The following DMD variants were observed in gnomAD, a reference collection of about 807,000 sequenced individuals.
The protein encoded by DMD is mutant dystrophin.
DMD carries 63 observed loss-of-function variants against 330.1 expected under a neutral mutation model. The observed-to-expected ratio is 0.19, with a 90% CI of 0.16 to 0.24. The LOEUF is 0.24. Ranked by LOEUF, DMD falls within the 10% of genes least tolerant of loss-of-function variation. The probability of loss-of-function intolerance (pLI) is 1.00; values close to 1 mark genes in which losing one functional copy is unlikely to be tolerated. For missense variants in DMD, 3,344 were observed against 2,684.1 expected (o/e 1.25, Z -5.43); for synonymous variants, 1,223 against 959.8 (o/e 1.27, Z -5.07).
chrX:31,187,015 T>C (rs931567058), intron 67 of DMD, among the ~76,000 whole-genome samples: 3 of 112,860 alleles, frequency 2.7e-5, no homozygotes, highest in Non-Finnish European at 5.6e-5. Context: ...GCACAGCATA[T>C]AGAAGTTCCA....
At chrX:32,901,699 A>G (rs1449659498) in intron 2 of DMD, among the ~76,000 whole-genome samples, 2 of 111,153 alleles carry the variant, frequency 1.8e-5, no homozygotes, top group Non-Finnish European at 3.8e-5. Context: ...TGGTAGCACT[A>G]CTAATAATAT....
At chrX:31,737,976 A>T (rs751520490) in intron 51 of DMD, among the ~76,000 whole-genome samples, 2 of 112,082 alleles carry the variant, frequency 1.8e-5, no homozygotes, top group Non-Finnish European at 3.8e-5. Flanking sequence ...ACATAGTAGA[A>T]GCAGTATATA....
chrX:32,388,587 G>C (rs185420855), intron 32 of DMD, among the ~76,000 whole-genome samples: 2 of 109,975 alleles, frequency 1.8e-5, no homozygotes, highest in East Asian at 5.7e-4. Flanking sequence ...TTGTTAAAAA[G>C]AAAAATATTT....
intron 16 of DMD, among the ~76,000 whole-genome samples, chrX:32,546,300 C>A (rs1305582092): frequency 9.2e-6 from 1 of 108,599 alleles, no homozygotes; most frequent in Non-Finnish European, 1.9e-5. Context: ...AACTTATATG[C>A]AAGGTCTGTT....
intron 2 of DMD, among the ~76,000 whole-genome samples, chrX:32,956,026 T>C (rs980357365): frequency 9.1e-6 from 1 of 110,474 alleles, no homozygotes; most frequent in Non-Finnish European, 1.9e-5. Context: ...ACTTGGGCTC[T>C]TTTTTTTGGT....
intron 62 of DMD, chrX:31,267,005 G>C: frequency 1.4e-6 from 1 of 714,879 alleles, no homozygotes; most frequent in Non-Finnish European, 1.9e-6. Context: ...GGCAGACGGG[G>C]CGGGGCCGTG....
intron 7 of DMD, among the ~76,000 whole-genome samples, chrX:32,717,226 A>C (rs1440502648): frequency 3.6e-5 from 4 of 111,653 alleles, no homozygotes; most frequent in Non-Finnish European, 5.7e-5. Flanking sequence ...AGCCCCTCCT[A>C]TCACAGGTCT....
At chrX:32,992,906 C>CA (rs34177386) in intron 2 of DMD, among the ~76,000 whole-genome samples, 3,235 of 35,088 alleles carry the variant, frequency 0.092, 152 homozygotes, top group African/African-American at 0.14. Context: ...AGCTCTGTCT[C>CA]AAAAAAAAAA....
intron 1 of DMD, among the ~76,000 whole-genome samples, chrX:33,082,651 A>G (rs1334889942): frequency 8.9e-6 from 1 of 112,416 alleles, no homozygotes; most frequent in African/African-American, 3.2e-5. Context: ...TAACTGCTCA[A>G]GAAAAATCTT....
At chrX:32,463,382 T>C (rs2098390231) in intron 25 of DMD, 57 bp downstream of exon 25, 2 of 1,085,673 alleles carry the variant, frequency 1.8e-6, no homozygotes, top group East Asian at 3.2e-5. Context: ...AGGGAGACAT[T>C]AGGAAATCTT....
intron 41 of DMD, among the ~76,000 whole-genome samples, chrX:32,319,395 G>T (rs2097599077): frequency 9.0e-6 from 1 of 111,531 alleles, no homozygotes; most frequent in Non-Finnish European, 1.9e-5. Flanking sequence ...CTAGCATACA[G>T]TATGTTATCA....
At chrX:32,610,614 T>G (rs993745244) in intron 12 of DMD, among the ~76,000 whole-genome samples, 2 of 111,557 alleles carry the variant, frequency 1.8e-5, no homozygotes, top group African/African-American at 6.5e-5. Context: ...AGGCGACCTC[T>G]GATCTGAGCA....
At chrX:31,879,209 C>G (rs115621937) in intron 47 of DMD, among the ~76,000 whole-genome samples, 21 of 83,759 alleles carry the variant, frequency 2.5e-4, no homozygotes, top group South Asian at 6.5e-4. Flanking sequence ...TTCTACATGG[C>G]GGGGGGGGGC....
intron 51 of DMD, among the ~76,000 whole-genome samples, chrX:31,762,987 A>G (rs2089723791): frequency 8.9e-6 from 1 of 112,356 alleles, no homozygotes; most frequent in South Asian, 3.6e-4. Flanking sequence ...ATGTTGTCAT[A>G]TTCCAAATAC....
At chrX:31,157,169 A>C (rs927195326) in intron 74 of DMD, among the ~76,000 whole-genome samples, 1 of 111,866 alleles carries the variant, frequency 8.9e-6, no homozygotes, top group Non-Finnish European at 1.9e-5. Context: ...GGTGGAGTCT[A>C]TTTTCTGGAT....
chrX:32,020,539 T>C (rs969441574), intron 44 of DMD, among the ~76,000 whole-genome samples: 1 of 111,182 alleles, frequency 9.0e-6, no homozygotes, highest in Non-Finnish European at 1.9e-5. Context: ...AAGTCTAATG[T>C]CCTCATAAAA....
intron 67 of DMD, among the ~76,000 whole-genome samples, chrX:31,199,941 T>C (rs960645869): frequency 5.4e-5 from 6 of 111,975 alleles, no homozygotes; most frequent in East Asian, 5.6e-4. Flanking sequence ...ACAGCAAACA[T>C]TGTATTTTTA....
intron 16 of DMD, among the ~76,000 whole-genome samples, chrX:32,555,934 C>G (rs1569193250): frequency 9.0e-6 from 1 of 111,626 alleles, no homozygotes; most frequent in East Asian, 2.8e-4. Flanking sequence ...AGGAAAATGG[C>G]AAAAGCAACT....
At chrX:32,317,861 G>A (rs2097589312) in intron 41 of DMD, among the ~76,000 whole-genome samples, 1 of 108,512 alleles carries the variant, frequency 9.2e-6, no homozygotes, top group Non-Finnish European at 1.9e-5. Flanking sequence ...AACTGCGTTG[G>A]TGTTAATGAA....
Sources: gnomAD v4.1 joint callset for allele counts (sites outside exome capture counted in the v4.1 genomes callset) on GRCh38, gnomAD v4.1.1 for gene constraint, MANE v1.5 for transcripts, NCBI Gene and HGNC (gene_info 2026-07-23, HGNC 2026-07-21) for gene names.